The following CLU variants were observed in gnomAD, a reference collection of about 807,000 sequenced individuals.
CLU encodes clusterin, also known as aging-associated protein 4.
In CLU, 25 loss-of-function variants were observed where a neutral mutation model predicts 46.4. The observed-to-expected ratio is 0.54, with a 90% CI of 0.39 to 0.75. The LOEUF is 0.75. Among genes scored for constraint, CLU ranks in the 30% least tolerant of loss-of-function variants. The pLI is 0.00. For missense variants in CLU, 504 were observed against 592.1 expected, an observed-to-expected ratio of 0.85 and a Z score of 1.54; for synonymous variants, 235 against 235.1, an observed-to-expected ratio of 1.00 and a Z score of 0.00.
At chr8:27,611,634 G>T in intron 1 of CLU, 1 of 457,834 alleles carries the variant, frequency 2.2e-6, no homozygotes, top group South Asian at 1.5e-5. Flanking sequence ...AGGACGATGG[G>T]GTTCCCCTTC....
At position 27,598,167 on chromosome 8, in the gene CLU, C is replaced by T; in HGVS notation, c.*74G>A. 2.6e-6 allele frequency: 4 copies of T among 1,535,472 alleles called. No homozygotes were observed. The African/African-American group carries it at 4.1e-5, about 16-fold the overall frequency. On this transcript the variant is annotated 3_prime_UTR_variant, in exon 9 of 9. Transcript: ENST00000316403. ...TACTTGGTGACGTGCAGAGCTCTCT[C>T]TGGGGGGCTGCAGCTCATCTTGGGG...
rs1025692730 is a variant in CLU at position 27,597,064 on chromosome 8, C to T, written c.*1177G>A. On this transcript the variant is annotated 3_prime_UTR_variant, in exon 9 of 9. Coordinates refer to ENST00000316403, the MANE Select transcript of CLU (RefSeq NM_001831.4). ...CTGACTTTACTCTGAATTTCCTTGA[C>T]AGCCATGCTAAAATACTTACCTTGG... 3 of 453,976 alleles carry T rather than the reference C, an allele frequency of 6.6e-6. No individual in the cohort carries two copies. The highest frequency in any genetic ancestry group is 1.3e-5 in the Non-Finnish European group (3 of 226,802). The allele number at this position is 453,976 out of a possible 1,614,324, so 28.1% of individuals were successfully genotyped here.
chr8:27,603,169 C>T (rs1307722024), intron 6 of CLU, among the ~76,000 whole-genome samples: 1 of 152,210 alleles, frequency 6.6e-6, no homozygotes, highest in East Asian at 1.9e-4. Flanking sequence ...CCAATCTGGG[C>T]ACAGGCATCT....
rs778445133 is a variant in CLU at position 27,605,093 on chromosome 8, AAAG to A, written c.657_659del (p.Phe220del). 1.4e-4 allele frequency: 218 copies of A among 1,613,916 alleles called. No homozygotes were observed. Among genetic ancestry groups the A allele is most frequent in the Non-Finnish European group, 1.1e-4 (124 of 1,180,018 alleles). On this transcript the variant is annotated inframe_deletion, in exon 5 of 9. Transcript: ENST00000316403. ...AGCTGCGGACGATGCGGGACTTGGG[AAAG>A]AAGAAGTGAGGCCTCCGGTGGGGCA...
At chr8:27,603,262 G>A (rs1800754860) in intron 6 of CLU, among the ~76,000 whole-genome samples, 1 of 152,152 alleles carries the variant, frequency 6.6e-6, no homozygotes, top group African/African-American at 2.4e-5. Context: ...ATTTTTTATA[G>A]AAAAAGCCCC....
rs756571678 is a variant in CLU at position 27,610,512 on chromosome 8, G to A, written c.60C>T (p.Val20=). Residue 20 remains valine, a synonymous_variant, in exon 2 of 9, where the codon GTC becomes GTT. Coordinates refer to ENST00000316403, the MANE Select transcript of CLU (RefSeq NM_001831.4). ...TGTCTGAGACCGTCTGGTCCCCCAG[G>A]ACCTGCCCACTCTCCCAGGTCAGCA... ...GLLLTWESGQ[V]LGDQTVSDNE... The A allele has an allele frequency of 1.9e-5, 30 of 1,614,220 alleles. No homozygotes were observed. The highest frequency in any genetic ancestry group is 6.7e-5 in the Admixed American group (4 of 60,038).
chr8:27,610,813 G>C (rs1394509979), intron 1 of CLU: 2 of 550,390 alleles, frequency 3.6e-6, no homozygotes, highest in Non-Finnish European at 6.6e-6. Flanking sequence ...TGCAGGGAGG[G>C]AGGGACTGCA....
At chr8:27,608,815 G>A (rs1266360905) in intron 3 of CLU, 123 bp downstream of exon 3, 3 of 1,008,406 alleles carry the variant, frequency 3.0e-6, no homozygotes, top group Non-Finnish European at 4.7e-6. Context: ...CTCAGCATCA[G>A]CTGACACAGC....
At position 27,604,956 on chromosome 8, in the gene CLU, G is replaced by T. The variant is rs556877096; in HGVS notation, c.797C>A (p.Ala266Asp). 1.7e-5 allele frequency: 28 copies of T among 1,614,150 alleles called. No individual in the cohort carries two copies. In the South Asian group the frequency reaches 2.7e-4, roughly 16 times the overall value. ...GAATTCTGTTGGCGGGTGCTGGAAG[G>T]CCGGGCTATGGAAGTGGATGTCCAT... ...QAMDIHFHSP[A>D]FQHPPTEFIR... The change falls in exon 5 of 9, where the codon GCC (alanine) becomes GAC (aspartate). Residue 266 changes from alanine to aspartate, a missense_variant. Physicochemically the swap from Ala to Asp is moderately radical, Grantham distance 126 (BLOSUM62 -2). This residue lies in a region of CLU where 428 missense variants were observed against 484.0 expected (regional missense o/e 0.88). Coordinates refer to ENST00000316403, the MANE Select transcript of CLU (RefSeq NM_001831.4).
intron 1 of CLU, chr8:27,610,864 C>G (rs969581580): frequency 4.5e-6 from 2 of 449,114 alleles, no homozygotes; most frequent in Non-Finnish European, 8.3e-6. Flanking sequence ...ACCCTGGCAT[C>G]GGAGGAACCA....
At chr8:27,600,475 T>C (rs1800700264) in intron 6 of CLU, among the ~76,000 whole-genome samples, 3 of 152,196 alleles carry the variant, frequency 2.0e-5, no homozygotes, top group Non-Finnish European at 4.4e-5. Context: ...GCTCAACCCA[T>C]CTGCCCAAAA....
chr8:27,598,114 G>C lies in CLU; in HGVS notation c.*127C>G. 1 of 862,748 alleles carries C rather than the reference G, an allele frequency of 1.2e-6. No individual in the cohort carries two copies. The highest frequency in any genetic ancestry group is 1.9e-6 in the Non-Finnish European group (1 of 513,660). 53.4% of individuals were successfully genotyped at this position (862,748 alleles called of 1,614,324 possible). On this transcript the variant is annotated 3_prime_UTR_variant, in exon 9 of 9. Coordinates refer to ENST00000316403, the MANE Select transcript of CLU (RefSeq NM_001831.4). ...CCAGAGCGGGGAGAGGCTGGGCGGAGTTGGGGGCCTGGAGGCTGGGGCCTG... is the reference window on the plus strand; with the variant it reads ...CCAGAGCGGGGAGAGGCTGGGCGGACTTGGGGGCCTGGAGGCTGGGGCCTG...
chr8:27,599,726 C>A lies in CLU; in HGVS notation c.1164+54G>T. 7.4e-7 allele frequency: 1 copy of A among 1,358,658 alleles called. No homozygotes were observed. The highest frequency in any genetic ancestry group is 1.2e-5 in the South Asian group (1 of 81,698). The allele number at this position is 1,358,658 out of a possible 1,614,324, so 84.2% of individuals were successfully genotyped here. A position where few individuals can be genotyped will look rare whatever the true frequency, so the allele number is the denominator to read the frequency against. ...AGTCAAAAGCACACATGCCCCTGCTCCCGATCACAGCTCGGGCTCCCGAGC... is the reference window on the plus strand; with the variant it reads ...AGTCAAAAGCACACATGCCCCTGCTACCGATCACAGCTCGGGCTCCCGAGC... On this transcript the variant is annotated intron_variant, in intron 7 of 8. Coordinates refer to ENST00000316403, the MANE Select transcript of CLU (RefSeq NM_001831.4). The surrounding 1 kb of genome is among the most constrained non-coding windows in gnomAD (Gnocchi z 4.0).
intron 4 of CLU, among the ~76,000 whole-genome samples, chr8:27,605,933 G>A (rs552789494): frequency 2.0e-5 from 3 of 152,016 alleles, no homozygotes; most frequent in Non-Finnish European, 4.4e-5. Flanking sequence ...CCAGCTACTT[G>A]GGAGGCTGAG....
chr8:27,603,064 G>A (rs919173739), intron 6 of CLU, among the ~76,000 whole-genome samples: 5 of 152,132 alleles, frequency 3.3e-5, no homozygotes, highest in African/African-American at 7.2e-5. Context: ...TAAGACTGGC[G>A]CTGGCTGCAC....
At position 27,597,868 on chromosome 8, in the gene CLU, C is replaced by A; in HGVS notation, c.*373G>T. 2.0e-6 allele frequency: 1 copy of A among 500,994 alleles called. No individual in the cohort carries two copies. Among genetic ancestry groups the A allele is most frequent in the Non-Finnish European group, 3.9e-6 (1 of 258,596 alleles). The allele number at this position is 500,994 out of a possible 1,614,324, so 31.0% of individuals were successfully genotyped here. A position where few individuals can be genotyped will look rare whatever the true frequency, so the allele number is the denominator to read the frequency against. ...TTTATTCTTCACTGGTATGACAGTC[C>A]CTATACCATCTTAGCCACTGCTTTT... On this transcript the variant is annotated 3_prime_UTR_variant, in exon 9 of 9. Transcript: ENST00000316403.
chr8:27,608,373 G>C (rs568282651), intron 3 of CLU, among the ~76,000 whole-genome samples: 1 of 152,330 alleles, frequency 6.6e-6, no homozygotes, highest in Non-Finnish European at 1.5e-5. Flanking sequence ...CGTGAGAGGA[G>C]GTTTGTAGGA....
At position 27,604,293 on chromosome 8, in the gene CLU, A is replaced by C; in HGVS notation, c.932T>G (p.Val311Gly). 1.2e-6 allele frequency: 2 copies of C among 1,613,638 alleles called. No homozygotes were observed. The highest frequency in any genetic ancestry group is 1.7e-6 in the Non-Finnish European group (2 of 1,179,642). The stretch of plus-strand genomic sequence containing the variant: ...TTGTGGTCTGGACCCCGACTCACCC[A>C]CAGACAAGATCTCCCGGCACTTGTC... ...QCDKCREILSVDCSTNNPSQA... is the reference protein window; with the variant it reads ...QCDKCREILSGDCSTNNPSQA... The change falls in exon 6 of 9, where the codon GTG becomes GGG. Residue 311 changes from valine to glycine, a missense_variant and splice_region_variant. Physicochemically the swap from Val to Gly is moderately radical, Grantham distance 109. Around this residue, in one of 3 missense-constraint regions of CLU, gnomAD observed 428 missense variants for 484.0 expected, o/e 0.88. Coordinates refer to ENST00000316403, the MANE Select transcript of CLU (RefSeq NM_001831.4).
intron 7 of CLU, 53 bp from the exon 8 acceptor site, chr8:27,598,688 T>C: frequency 1.9e-6 from 3 of 1,561,812 alleles, no homozygotes; most frequent in Admixed American, 1.7e-5. Flanking sequence ...TCAAAATGCA[T>C]GCGCTCTGCA....
Sources: gnomAD v4.1 joint callset for allele counts (sites outside exome capture counted in the v4.1 genomes callset) on GRCh38, gnomAD v4.1.1 for gene constraint, gnomAD v4.1.1 regional missense constraint, Gnocchi (gnomAD v3.1) non-coding constraint, MANE v1.5 for transcripts, NCBI Gene and HGNC (gene_info 2026-07-23, HGNC 2026-07-21) for gene names.